Variants in PRDM16 observed in about 807,000 individuals in gnomAD.
The protein encoded by PRDM16 is histone-lysine N-methyltransferase PRDM16.
A neutral mutation model predicts 110.6 loss-of-function variants in PRDM16; 23 were observed. The ratio of observed to expected loss-of-function variants is 0.21; its 90% CI spans 0.15 to 0.29. PRDM16 has a LOEUF of 0.29. Ranked by LOEUF, PRDM16 falls within the 10% of genes least tolerant of loss-of-function variation. The pLI is 1.00. For synonymous variants in PRDM16, 799 were observed against 781.8 expected, an observed-to-expected ratio of 1.02 and a Z score of -0.37; for missense variants, 1,615 against 1,794.3, an observed-to-expected ratio of 0.90 and a Z score of 1.81.
intron 1 of PRDM16, among the ~76,000 whole-genome samples, chr1:3,075,799 T>C (rs1570202832): frequency 6.6e-6 from 1 of 151,592 alleles, no homozygotes; most frequent in Non-Finnish European, 1.5e-5. Context: ...TGAGGAGGGG[T>C]CCCTTTTTCA....
At chr1:3,085,657 C>T (rs900356850) in intron 1 of PRDM16, among the ~76,000 whole-genome samples, 1 of 152,200 alleles carries the variant, frequency 6.6e-6, no homozygotes, top group African/African-American at 2.4e-5. Context: ...CGGGTGGTCC[C>T]TTTAGGACGC....
chr1:3,244,498 C>T lies in PRDM16; in HGVS notation c.438+361C>T, dbSNP rs767407659. Among the ~76,000 whole-genome samples, 1 of 152,140 alleles carries T rather than the reference C, an allele frequency of 6.6e-6. No homozygotes were observed. The highest frequency in any genetic ancestry group is 1.5e-5 in the Non-Finnish European group (1 of 68,034). ...TTTATTTAACTGTCTTTGCTGGATA[C>T]TCTCATGAAAAGAATATGGGGAAGA... On this transcript the variant is annotated intron_variant, in intron 3 of 16. Coordinates refer to ENST00000270722, the MANE Select transcript of PRDM16 (RefSeq NM_022114.4). The surrounding 1 kb of genome is among the most constrained non-coding windows in gnomAD (Gnocchi z 4.1).
At chr1:3,367,162 G>A (rs1363709920) in intron 3 of PRDM16, among the ~76,000 whole-genome samples, 1 of 152,088 alleles carries the variant, frequency 6.6e-6, no homozygotes, top group African/African-American at 2.4e-5. Context: ...TCGGCTCCTG[G>A]GGAGGCTGAG....
rs150191624 is a variant in PRDM16 at position 3,222,527 on chromosome 1, C to T, written c.388-21560C>T. On this transcript the variant is annotated intron_variant, in intron 2 of 16. Coordinates refer to ENST00000270722, the MANE Select transcript of PRDM16 (RefSeq NM_022114.4). ...GGTCGGCTTCAGGAGGTGGAACCTG[C>T]GGGGCCCCTGCCAACCAATGGTGCT... 9.2e-5 allele frequency among the ~76,000 whole-genome samples: 14 copies of T among 152,334 alleles called. No individual in the cohort carries two copies. The East Asian group carries it at 2.7e-3, about 29-fold the overall frequency.
At position 3,407,894 on chromosome 1, in the gene PRDM16, T is replaced by C. The variant is rs572722796; in HGVS notation, c.1186+2246T>C. 3.4e-3 allele frequency among the ~76,000 whole-genome samples: 523 copies of C among 152,334 alleles called. 2 individuals carry two copies. Among genetic ancestry groups the C allele is most frequent in the African/African-American group, 0.012 (492 of 41,596 alleles). ...ACTCGGCTCACCTTTGTGCCTTGGC[T>C]TTTTGCTAAGGGGATAAAGCTTAAA... On this transcript the variant is annotated intron_variant, in intron 8 of 16. Coordinates refer to ENST00000270722, the MANE Select transcript of PRDM16 (RefSeq NM_022114.4).
chr1:3,138,718 G>A (rs1257378723), intron 1 of PRDM16, among the ~76,000 whole-genome samples: 1 of 152,212 alleles, frequency 6.6e-6, no homozygotes, highest in Non-Finnish European at 1.5e-5. Context: ...AGGCTTTCCT[G>A]CTCAGACCGG....
At chr1:3,424,751 G>A (rs1323534464) in intron 12 of PRDM16, among the ~76,000 whole-genome samples, 1 of 152,218 alleles carries the variant, frequency 6.6e-6, no homozygotes, top group East Asian at 1.9e-4. Flanking sequence ...CTGCCCAGGG[G>A]CCCCCAGCCA....
At chr1:3,261,202 C>G (rs1305495809) in intron 3 of PRDM16, among the ~76,000 whole-genome samples, 1 of 151,442 alleles carries the variant, frequency 6.6e-6, no homozygotes, top group Admixed American at 6.6e-5. Flanking sequence ...TCTTAGGTGA[C>G]CTCTCACACA....
rs1170087934 is a variant in PRDM16 at position 3,243,059 on chromosome 1, T to C, written c.388-1028T>C. On this transcript the variant is annotated intron_variant, in intron 2 of 16. Coordinates refer to ENST00000270722, the MANE Select transcript of PRDM16 (RefSeq NM_022114.4). The surrounding 1 kb of genome is among the most constrained non-coding windows in gnomAD (Gnocchi z 5.5). ...TAAGAGGAGACACCCGGCGAAATGC[T>C]CTCCAGAGCCAAAGAACGTTCCGGC... Among the ~76,000 whole-genome samples, 1 of 152,126 alleles carries C rather than the reference T, an allele frequency of 6.6e-6. No individual in the cohort carries two copies. The highest frequency in any genetic ancestry group is 2.4e-5 in the African/African-American group (1 of 41,424).
At chr1:3,235,771 C>T (rs916585670) in intron 2 of PRDM16, among the ~76,000 whole-genome samples, 3 of 152,182 alleles carry the variant, frequency 2.0e-5, no homozygotes, top group Admixed American at 6.5e-5. Context: ...ATGTAGACCC[C>T]GGAAGCCTGC....
intron 3 of PRDM16, among the ~76,000 whole-genome samples, chr1:3,262,378 T>G (rs2100256076): frequency 6.6e-6 from 1 of 152,268 alleles, no homozygotes; most frequent in East Asian, 1.9e-4. Context: ...CAGGAGTCCA[T>G]CTGAAGGCAA....
At chr1:3,356,559 T>G (rs997271372) in intron 3 of PRDM16, among the ~76,000 whole-genome samples, 3 of 152,144 alleles carry the variant, frequency 2.0e-5, no homozygotes, top group African/African-American at 7.2e-5. Context: ...TATTTAAAAA[T>G]AAAAGCCGCA....
chr1:3,311,025 G>T (rs1641446083), intron 3 of PRDM16, among the ~76,000 whole-genome samples: 1 of 152,152 alleles, frequency 6.6e-6, no homozygotes, highest in Middle Eastern at 3.2e-3. Context: ...GCGCCAGCAT[G>T]GTTGGTGGTG....
At chr1:3,320,740 G>A (rs1236134915) in intron 3 of PRDM16, among the ~76,000 whole-genome samples, 1 of 152,174 alleles carries the variant, frequency 6.6e-6, no homozygotes, top group Non-Finnish European at 1.5e-5. Context: ...GATCTCCATC[G>A]ATCTCCAGGC....
intron 2 of PRDM16, among the ~76,000 whole-genome samples, chr1:3,195,916 G>A (rs1173938785): frequency 3.9e-5 from 6 of 152,336 alleles, no homozygotes; most frequent in South Asian, 2.1e-4. Flanking sequence ...GGCACCTGCC[G>A]TGTGCCCTGG....
intron 1 of PRDM16, among the ~76,000 whole-genome samples, chr1:3,136,666 G>A (rs1209981119): frequency 6.6e-6 from 1 of 152,132 alleles, no homozygotes; most frequent in Non-Finnish European, 1.5e-5. Flanking sequence ...GGTGTGGACA[G>A]AGGAGTGGGC....
intron 2 of PRDM16, among the ~76,000 whole-genome samples, chr1:3,217,989 G>A (rs888611969): frequency 1.3e-5 from 2 of 152,222 alleles, no homozygotes; most frequent in Non-Finnish European, 2.9e-5. Flanking sequence ...GTAGCCAAAT[G>A]CAGGAGGACA....
chr1:3,181,842 A>C lies in PRDM16; in HGVS notation c.38-4283A>C, dbSNP rs554726481. 2.1e-4 allele frequency among the ~76,000 whole-genome samples: 22 copies of C among 103,148 alleles called. 1 individual carries two copies. The highest frequency in any genetic ancestry group is 7.3e-4 in the African/African-American group (22 of 30,296). 67.7% of individuals were successfully genotyped at this position (103,148 alleles called of 152,430 possible). On this transcript the variant is annotated intron_variant, in intron 1 of 16. Transcript: ENST00000270722. Reference sequence around the variant, plus strand: ...CATGCGGTCTTACACATTCAGTCTTACACACGGTCTTACACACGCAGTCTT... The same window carrying C: ...CATGCGGTCTTACACATTCAGTCTTCCACACGGTCTTACACACGCAGTCTT...
chr1:3,135,918 C>A (rs548123302), intron 1 of PRDM16, among the ~76,000 whole-genome samples: 1 of 151,646 alleles, frequency 6.6e-6, no homozygotes, highest in Non-Finnish European at 1.5e-5. Context: ...GGCTGCAGAG[C>A]GGGGCAGGGG....
Sources: allele counts gnomAD v4.1 joint callset (sites outside exome capture counted in the v4.1 genomes callset), GRCh38; gene constraint gnomAD v4.1.1; non-coding constraint Gnocchi (gnomAD v3.1); transcripts MANE v1.5; gene names NCBI Gene and HGNC (gene_info 2026-07-23, HGNC 2026-07-21).